NUDC: variants seen among roughly 807,000 people sequenced by gnomAD.
The protein encoded by NUDC is nuclear distribution C, dynein complex regulator.
Under a neutral mutation model 45.0 loss-of-function variants are expected in NUDC, and 14 were observed. The ratio of observed to expected loss-of-function variants is 0.31; its 90% confidence interval spans 0.21 to 0.49. The LOEUF (loss-of-function observed/expected upper bound fraction) is 0.49. Among genes scored for constraint, NUDC ranks in the 20% least tolerant of loss-of-function variants. The pLI is 0.99. For missense variants in NUDC, 323 were observed against 426.2 expected (o/e 0.76, Z 2.13); for synonymous variants, 153 against 156.7 (o/e 0.98, Z 0.17).
At position 26,906,278 on chromosome 1, in the gene NUDC, CA is replaced by C. The variant is rs901032599; in HGVS notation, c.-16+3921del. 4.8e-5 allele frequency among the ~76,000 whole-genome samples: 7 copies of C among 145,324 alleles called. 1 individual carries two copies. Among genetic ancestry groups the C allele is most frequent in the African/African-American group, 1.5e-4 (6 of 39,216 alleles). ...TGGGCAAGAGAGTGAGACTCTGTCT[CA>C]AAAAAAAACGAAAAAATACAAAAAG... On this transcript the variant is annotated intron_variant, in intron 2 of 6. Coordinates refer to the NUDC transcript ENST00000435827.
At chr1:26,917,082 A>C (rs911522830), upstream of NUDC, among the ~76,000 whole-genome samples, 2 of 151,750 alleles carry the variant, frequency 1.3e-5, no homozygotes, top group African/African-American at 4.8e-5. Context: ...ACATGGTGAA[A>C]TCTTGTTTCT....
At chr1:26,900,193 T>A (rs750303670), upstream of NUDC, 13 of 1,613,878 alleles carry the variant, frequency 8.1e-6, no homozygotes, top group African/African-American at 2.7e-5. Flanking sequence ...CGGACATCGG[T>A]GGCCGAAGTC....
chr1:26,934,662 G>GT (rs757796116), intron 2 of NUDC, among the ~76,000 whole-genome samples: 4,270 of 142,586 alleles, frequency 0.03, 50 homozygotes, highest in Non-Finnish European at 0.039. Context: ...AAGGACAGAG[G>GT]TTTTTTTTTT....
At chr1:26,945,028 A>G (rs34473788) in intron 6 of NUDC, 27,115 of 302,970 alleles carry the variant, frequency 0.089, 1,729 homozygotes, top group African/African-American at 0.21. Flanking sequence ...GACAAGAAGA[A>G]CAAGACTCCA....
At chr1:26,936,021 T>C (rs1213924801) in intron 2 of NUDC, among the ~76,000 whole-genome samples, 1 of 146,346 alleles carries the variant, frequency 6.8e-6, no homozygotes, top group Non-Finnish European at 1.5e-5. Flanking sequence ...GAGGCGTGAG[T>C]GCAGTGGCAT....
chr1:26,935,213 G>A (rs1220376275), intron 2 of NUDC, among the ~76,000 whole-genome samples: 3 of 151,796 alleles, frequency 2.0e-5, no homozygotes, highest in Admixed American at 6.6e-5. Flanking sequence ...AACTCCTGAC[G>A]TCAGGTGTTC....
intron 2 of NUDC, among the ~76,000 whole-genome samples, chr1:26,908,531 A>G (rs1231268969): frequency 1.3e-5 from 2 of 152,104 alleles, no homozygotes; most frequent in Non-Finnish European, 2.9e-5. Flanking sequence ...AAGAAATTTG[A>G]AAAGGATCAA....
chr1:26,914,087 T>C, intron 3 of NUDC: 1 of 617,936 alleles, frequency 1.6e-6, no homozygotes, highest in Admixed American at 3.9e-5. Flanking sequence ...CACACAGACA[T>C]TGCCCCTGGC....
rs1286623791 is a variant in NUDC, at chr1:26,941,468, G to C, written c.171G>C (p.Gln57His). Reference protein sequence around the residue: ...EEGMAEKLITQTFSHHNQLAQ... With the variant: ...EEGMAEKLITHTFSHHNQLAQ... The stretch of plus-strand genomic sequence containing the variant: ...TCTTCCCTCTCCAGCTTATCACACA[G>C]ACTTTCAGCCACCACAATCAGCTGG... Residue 57 changes from glutamine (Q) to histidine (H), a missense_variant, in exon 3 of 9, where the codon CAG (glutamine) becomes CAC (histidine). By Grantham distance (24) the Gln-to-His change is conservative. Around this residue, in one of 3 missense-constraint regions of NUDC, gnomAD observed 245 missense variants for 278.8 expected, o/e 0.88. Transcript: ENST00000321265. The C allele has an allele frequency of 6.2e-7, 1 of 1,613,780 alleles. No individual in the cohort carries two copies. Among genetic ancestry groups the C allele is most frequent in the Non-Finnish European group, 8.5e-7 (1 of 1,180,012 alleles).
intron 2 of NUDC, among the ~76,000 whole-genome samples, chr1:26,924,717 C>G (rs993887777): frequency 6.6e-6 from 1 of 152,044 alleles, no homozygotes; most frequent in African/African-American, 2.4e-5. Flanking sequence ...CCACACCTGG[C>G]TAATTTTTGT....
rs542476044 is a variant in NUDC, at chr1:26,931,533, C to A, written c.159+7367C>A. Among the ~76,000 whole-genome samples, 9 of 150,120 alleles carry A rather than the reference C, an allele frequency of 6.0e-5. No individual in the cohort carries two copies. In the East Asian group the frequency reaches 1.9e-3, roughly 32 times the overall value. On this transcript the variant is annotated intron_variant, in intron 2 of 8. Transcript: ENST00000321265. ...CGGTGGCTCACACCTATAATCCCAGCACTTTGGGAGGCCGAGGTGGGCGGA... is the reference window on the plus strand; with the variant it reads ...CGGTGGCTCACACCTATAATCCCAGAACTTTGGGAGGCCGAGGTGGGCGGA...
intron 2 of NUDC, chr1:26,929,651 C>T (rs2082164398): frequency 1.1e-5 from 4 of 369,114 alleles, no homozygotes; most frequent in South Asian, 8.4e-5. Context: ...TATTGCATTC[C>T]ACTTACATAT....
At chr1:26,909,653 C>G (rs751615207) in intron 2 of NUDC, among the ~76,000 whole-genome samples, 24 of 151,986 alleles carry the variant, frequency 1.6e-4, no homozygotes, top group Admixed American at 7.2e-4. Context: ...ACCCTAAATC[C>G]CTGAATCTTC....
upstream of NUDC, among the ~76,000 whole-genome samples, chr1:26,920,556 A>T (rs896142594): frequency 2.0e-5 from 3 of 151,976 alleles, no homozygotes; most frequent in African/African-American, 7.2e-5. Context: ...AAACAAGCAA[A>T]CAAGTTTGCT....
At chr1:26,936,877 C>G (rs562040901) in intron 2 of NUDC, among the ~76,000 whole-genome samples, 21 of 152,252 alleles carry the variant, frequency 1.4e-4, no homozygotes, top group Admixed American at 9.2e-4. Context: ...GGGTATCCTA[C>G]AATTCAATTG....
chr1:26,924,226 C>G (rs879789083), intron 2 of NUDC, 60 bp downstream of exon 2: 1 of 1,431,588 alleles, frequency 7.0e-7, no homozygotes, highest in Non-Finnish European at 9.9e-7. Flanking sequence ...AAAAGCTCAC[C>G]TGGCCTTTCT....
chr1:26,900,293 C>T (rs2081969885), exon 1 of NUDC: 4 of 1,613,858 alleles, frequency 2.5e-6, no homozygotes, highest in Non-Finnish European at 3.4e-6. Context: ...CAGGCCGATG[C>T]CGGTAGTGGA....
intron 2 of NUDC, 100 bp downstream of exon 2, chr1:26,924,266 G>A (rs892801058): frequency 4.9e-6 from 5 of 1,010,474 alleles, no homozygotes; most frequent in Non-Finnish European, 7.7e-6. Flanking sequence ...CAGCAGAAGC[G>A]AAATGCCAAA....
At chr1:26,917,817 C>T (rs1425606274), upstream of NUDC, among the ~76,000 whole-genome samples, 5 of 151,192 alleles carry the variant, frequency 3.3e-5, no homozygotes, top group African/African-American at 4.9e-5. Context: ...ACCTGGGAAG[C>T]GGAAGTTGCA....
Sources: allele counts gnomAD v4.1 joint callset (sites outside exome capture counted in the v4.1 genomes callset), GRCh38; gene constraint gnomAD v4.1.1; regional missense constraint gnomAD v4.1.1; transcripts MANE v1.5; gene names NCBI Gene and HGNC (gene_info 2026-07-23, HGNC 2026-07-21).